EXT1: variants seen among roughly 807,000 people sequenced by gnomAD.
EXT1 encodes exostosin glycosyltransferase 1.
EXT1 carries 20 observed loss-of-function variants against 82.5 expected under a neutral mutation model. That is an observed-to-expected ratio of 0.24 (90% CI 0.17 to 0.35). The LOEUF (loss-of-function observed/expected upper bound fraction) is 0.35. Among genes scored for constraint, EXT1 ranks in the 10% least tolerant of loss-of-function variants. The pLI, the probability that EXT1 is intolerant of heterozygous loss-of-function variation, is 1.00. For missense variants in EXT1, 757 were observed against 936.5 expected (o/e 0.81, Z 2.50); for synonymous variants, 348 against 350.8 (o/e 0.99, Z 0.09).
intron 3 of EXT1, among the ~76,000 whole-genome samples, chr8:117,830,639 T>C (rs1812083664): frequency 6.6e-6 from 1 of 152,200 alleles, no homozygotes; most frequent in Non-Finnish European, 1.5e-5. Flanking sequence ...TAGTCACAAT[T>C]GCTGTTTCCA....
intron 1 of EXT1, among the ~76,000 whole-genome samples, chr8:117,869,594 A>T (rs1440096581): frequency 6.6e-6 from 1 of 152,210 alleles, no homozygotes; most frequent in Non-Finnish European, 1.5e-5. Flanking sequence ...AGGATGATGT[A>T]GCAGGAACAA....
intron 1 of EXT1, among the ~76,000 whole-genome samples, chr8:118,109,073 C>G (rs1188247835): frequency 6.6e-6 from 1 of 152,156 alleles, no homozygotes; most frequent in African/African-American, 2.4e-5. Flanking sequence ...AACTGGTCCA[C>G]CAAGCTCAGG....
chr8:117,975,520 T>C (rs1815044413), intron 1 of EXT1, among the ~76,000 whole-genome samples: 1 of 152,104 alleles, frequency 6.6e-6, no homozygotes, highest in Non-Finnish European at 1.5e-5. Context: ...TTTTCTTCCA[T>C]CAAAATATAT....
chr8:118,031,287 G>A (rs763729322), intron 1 of EXT1, among the ~76,000 whole-genome samples: 3 of 152,114 alleles, frequency 2.0e-5, no homozygotes, highest in Non-Finnish European at 2.9e-5. Flanking sequence ...TTAGGAGGCC[G>A]AGGTGGGCGG....
At chr8:117,819,144 C>T (rs1178017584) in intron 6 of EXT1, among the ~76,000 whole-genome samples, 1 of 152,162 alleles carries the variant, frequency 6.6e-6, no homozygotes, top group Non-Finnish European at 1.5e-5. Context: ...AACTAATTCA[C>T]AAATCAGAAA....
intron 1 of EXT1, among the ~76,000 whole-genome samples, chr8:118,021,132 GA>G (rs1474389076): frequency 1.3e-5 from 2 of 152,148 alleles, no homozygotes; most frequent in African/African-American, 4.8e-5. Context: ...GTGCAAATAT[GA>G]ACTCTTATTT....
intron 1 of EXT1, among the ~76,000 whole-genome samples, chr8:117,958,814 C>G (rs1488687049): frequency 2.0e-5 from 3 of 152,156 alleles, no homozygotes; most frequent in African/African-American, 4.8e-5. Flanking sequence ...TTAAATTATT[C>G]CATTGAAAAC....
intron 1 of EXT1, among the ~76,000 whole-genome samples, chr8:117,901,625 C>G (rs1329107136): frequency 6.6e-6 from 1 of 152,128 alleles, no homozygotes; most frequent in East Asian, 1.9e-4. Context: ...AACTTTTTGA[C>G]TCTTTTGTAA....
intron 1 of EXT1, among the ~76,000 whole-genome samples, chr8:117,983,718 A>T (rs775104690): frequency 3.3e-5 from 5 of 152,212 alleles, no homozygotes; most frequent in Non-Finnish European, 7.3e-5. Flanking sequence ...TAATGAATTA[A>T]TGTATATGTG....
At chr8:117,832,724 T>A (rs947540697) in intron 3 of EXT1, among the ~76,000 whole-genome samples, 1 of 152,188 alleles carries the variant, frequency 6.6e-6, no homozygotes, top group Admixed American at 6.5e-5. Context: ...GCTTGTGATA[T>A]GATACAAGTG....
intron 1 of EXT1, among the ~76,000 whole-genome samples, chr8:117,886,087 A>G (rs1813143099): frequency 6.6e-6 from 1 of 152,234 alleles, no homozygotes; most frequent in South Asian, 2.1e-4. Context: ...AATAATAAAC[A>G]CTTCACGAAT....
At chr8:118,006,790 C>G (rs1299290022) in intron 1 of EXT1, among the ~76,000 whole-genome samples, 1 of 152,184 alleles carries the variant, frequency 6.6e-6, no homozygotes, top group Non-Finnish European at 1.5e-5. Flanking sequence ...GTCATTTAGA[C>G]TACAACAGGT....
At chr8:118,047,284 C>A (rs180831157) in intron 1 of EXT1, among the ~76,000 whole-genome samples, 166 of 152,306 alleles carry the variant, frequency 1.1e-3, no homozygotes, top group Non-Finnish European at 1.7e-3. Context: ...TACTCCCCTC[C>A]ATGCATCCTT....
chr8:118,011,248 G>A lies in EXT1; in HGVS notation c.962+98837C>T, dbSNP rs192585294. ...TCCCTCTGCTGCTTTGTCTGTTACCGACTTCCCGGTCCAGAATGGAAGCTA... is the reference window on the plus strand; with the variant it reads ...TCCCTCTGCTGCTTTGTCTGTTACCAACTTCCCGGTCCAGAATGGAAGCTA... On this transcript the variant is annotated intron_variant, in intron 1 of 10. Transcript: ENST00000378204. 9.9e-3 allele frequency among the ~76,000 whole-genome samples: 1,512 copies of A among 152,144 alleles called. 29 individuals are homozygous for A. The highest frequency in any genetic ancestry group is 0.044 in the Admixed American group (677 of 15,286).
At chr8:118,084,918 T>C (rs1333762430) in intron 1 of EXT1, among the ~76,000 whole-genome samples, 2 of 152,222 alleles carry the variant, frequency 1.3e-5, no homozygotes, top group African/African-American at 4.8e-5. Flanking sequence ...TTATCCACAG[T>C]AAGTACTTAA....
chr8:117,811,695 T>C (rs558804271), intron 8 of EXT1, among the ~76,000 whole-genome samples: 8 of 151,952 alleles, frequency 5.3e-5, no homozygotes, highest in African/African-American at 1.9e-4. Flanking sequence ...CCGCTCACTG[T>C]AACCTCTGCC....
chr8:118,073,437 A>G (rs543944985), intron 1 of EXT1, among the ~76,000 whole-genome samples: 4 of 152,152 alleles, frequency 2.6e-5, no homozygotes, highest in Non-Finnish European at 4.4e-5. Context: ...CCTGGCCAAC[A>G]TGGCAAAACC....
At position 117,900,446 on chromosome 8, in the gene EXT1, C is replaced by G. The variant is rs778701174; in HGVS notation, c.963-63245G>C. Among the ~76,000 whole-genome samples, 168 of 152,282 alleles carry G rather than the reference C, an allele frequency of 1.1e-3. 1 individual carries two copies. The highest frequency in any genetic ancestry group is 2.2e-3 in the Non-Finnish European group (147 of 68,030). ...GCATGAATGCTTCCTGAGTTCATTC[C>G]AATTCATGACTAAGAACGGTGGGAT... On this transcript the variant is annotated intron_variant, in intron 1 of 10. Coordinates refer to ENST00000378204, the MANE Select transcript of EXT1 (RefSeq NM_000127.3).
intron 1 of EXT1, among the ~76,000 whole-genome samples, chr8:117,911,424 T>C (rs1358156444): frequency 6.6e-6 from 1 of 152,092 alleles, no homozygotes; most frequent in Non-Finnish European, 1.5e-5. Flanking sequence ...GAATGGCCAG[T>C]TCCGATTCCC....
Sources: gnomAD v4.1 joint callset for allele counts (sites outside exome capture counted in the v4.1 genomes callset) on GRCh38, gnomAD v4.1.1 for gene constraint, MANE v1.5 for transcripts, NCBI Gene and HGNC (gene_info 2026-07-23, HGNC 2026-07-21) for gene names.